Variants in PAGE1 observed in about 807,000 individuals in gnomAD.
The protein encoded by PAGE1 is P antigen family member 1.
In PAGE1, 6 loss-of-function variants were observed where a neutral mutation model predicts 11.5. That is an observed-to-expected ratio of 0.52 (90% CI 0.29 to 1.03). PAGE1 has a LOEUF of 1.03. Among genes scored for constraint, PAGE1 ranks in the 50% least tolerant of loss-of-function variants. The pLI, the probability that PAGE1 is intolerant of heterozygous loss-of-function variation, is 0.09. For synonymous variants in PAGE1, 42 were observed against 40.2 expected (o/e 1.05, Z -0.17); for missense variants, 120 against 110.2 (o/e 1.09, Z -0.40).
At chrX:49,695,506 C>T (rs1166536273) in intron 1 of PAGE1, among the ~76,000 whole-genome samples, 7 of 111,713 alleles carry the variant, frequency 6.3e-5, no homozygotes, top group African/African-American at 1.6e-4. Context: ...ACCCACCTCC[C>T]GCCTCGGGGC....
chrX:49,694,266 A>C, intron 2 of PAGE1, 65 bp from the exon 3 acceptor site: 1 of 572,838 alleles, frequency 1.7e-6, no homozygotes, highest in Non-Finnish European at 2.9e-6. Flanking sequence ...ATACATGTCA[A>C]AAAATATATA....
chrX:49,687,502 A>C lies in PAGE1; in HGVS notation c.*39T>G. On this transcript the variant is annotated 3_prime_UTR_variant, in exon 6 of 6. Transcript: ENST00000376150. ...GGAGAATTTTAATGGTCAAATTTCC[A>C]ACACAGGAGCAGCCTGAACCATTTC... 1.7e-6 allele frequency: 2 copies of C among 1,189,280 alleles called. No homozygotes were observed. Among genetic ancestry groups the C allele is most frequent in the Non-Finnish European group, 2.3e-6 (2 of 875,873 alleles).
chrX:49,690,932 C>T, intron 4 of PAGE1, among the ~76,000 whole-genome samples: 1 of 110,419 alleles, frequency 9.1e-6, no homozygotes, highest in Middle Eastern at 4.7e-3. Context: ...AACCTCAGGA[C>T]TTTGGGAGGC....
intron 5 of PAGE1, 49 bp downstream of exon 5, chrX:49,689,369 A>T: frequency 1.0e-6 from 1 of 988,438 alleles, no homozygotes; most frequent in Non-Finnish European, 1.3e-6. Flanking sequence ...ATAATATGAT[A>T]CTGTGGAAAC....
At chrX:49,695,206 G>A (rs1396942717) in intron 1 of PAGE1, among the ~76,000 whole-genome samples, 2 of 112,120 alleles carry the variant, frequency 1.8e-5, no homozygotes, top group African/African-American at 3.2e-5. Context: ...TTTCACAAGC[G>A]GACTCCACAT....
At chrX:49,689,289 C>A in intron 5 of PAGE1, 129 bp downstream of exon 5, 3 of 688,500 alleles carry the variant, frequency 4.4e-6, no homozygotes, top group Non-Finnish European at 5.5e-6. Flanking sequence ...TCCAGTGAGC[C>A]GAGATGGCAC....
chrX:49,689,617 T>A (rs1254193361), intron 4 of PAGE1, 74 bp from the exon 5 acceptor site: 9 of 87,684 alleles, frequency 1.0e-4, no homozygotes, highest in Admixed American at 3.2e-4. Flanking sequence ...TATATACATA[T>A]ACATATATAT....
Position 49,694,113 on chromosome X carries a change from G to T in PAGE1, c.152C>A (p.Ala51Glu). 8.5e-7 allele frequency: 1 copy of T among 1,183,370 alleles called. No individual in the cohort carries two copies. Among genetic ancestry groups the T allele is most frequent in the Non-Finnish European group, 1.1e-6 (1 of 876,167 alleles). The change falls in exon 3 of 6, where the codon GCA becomes GAA. Residue 51 changes from alanine to glutamate, a missense_variant. Ala to Glu is a moderately radical substitution (Grantham distance 107). Transcript: ENST00000376150. ...TTTCCCTTCACCTTGAGCTGCAGATGCTCCCTCATCCTCTCTCTCTTCAGC... is the reference window on the plus strand; with the variant it reads ...TTTCCCTTCACCTTGAGCTGCAGATTCTCCCTCATCCTCTCTCTCTTCAGC... ...TPAEEREDEG[A>E]SAAQGQEPEA...
chrX:49,689,166 C>A (rs782436245), intron 5 of PAGE1, among the ~76,000 whole-genome samples: 189 of 109,036 alleles, frequency 1.7e-3, no homozygotes, highest in Middle Eastern at 4.7e-3. Context: ...AATGGCAAAA[C>A]CTCGTCTCTA....
At chrX:49,689,712 A>G (rs1338675326) in intron 4 of PAGE1, among the ~76,000 whole-genome samples, 169 bp from the exon 5 acceptor site, 1 of 47,464 alleles carries the variant, frequency 2.1e-5, no homozygotes, top group Non-Finnish European at 3.8e-5. Flanking sequence ...ATATGTGTAT[A>G]TATGTATATA....
At chrX:49,688,535 A>C (rs1207452473) in intron 5 of PAGE1, among the ~76,000 whole-genome samples, 5 of 112,061 alleles carry the variant, frequency 4.5e-5, no homozygotes, top group African/African-American at 1.6e-4. Flanking sequence ...AGAGGTTTTC[A>C]GATGACTCAG....
intron 5 of PAGE1, among the ~76,000 whole-genome samples, chrX:49,688,444 G>C (rs1293095205): frequency 9.0e-6 from 1 of 110,870 alleles, no homozygotes; most frequent in Admixed American, 9.6e-5. Context: ...CCTAAGAATA[G>C]GCATTCAGGT....
intron 4 of PAGE1, among the ~76,000 whole-genome samples, chrX:49,689,759 T>C (rs1410975089): frequency 3.1e-5 from 2 of 64,815 alleles, no homozygotes; most frequent in East Asian, 5.9e-4. Flanking sequence ...TGTGTATATA[T>C]ACATATATAT....
At position 49,687,529 on chromosome X, in the gene PAGE1, G is replaced by T. The variant is rs1557141145; in HGVS notation, c.*12C>A. The T allele has an allele frequency of 8.3e-7, 1 of 1,202,318 alleles. No homozygotes were observed. The highest frequency in any genetic ancestry group is 2.2e-5 in the Admixed American group (1 of 45,500). ...CACAGGAGCAGCCTGAACCATTTCA[G>T]CGTGTCTTCTTTTAAGGCTGTGATT... On this transcript the variant is annotated 3_prime_UTR_variant, in exon 6 of 6. Coordinates refer to ENST00000376150, the MANE Select transcript of PAGE1 (RefSeq NM_003785.4).
At chrX:49,689,172 C>T (rs897406068) in intron 5 of PAGE1, among the ~76,000 whole-genome samples, 50 of 108,873 alleles carry the variant, frequency 4.6e-4, no homozygotes, top group African/African-American at 1.5e-3. Context: ...AAAACCTCGT[C>T]TCTACTAAAA....
intron 4 of PAGE1, among the ~76,000 whole-genome samples, chrX:49,690,973 T>C (rs2066918113): frequency 9.1e-6 from 1 of 110,311 alleles, no homozygotes; most frequent in South Asian, 3.9e-4. Flanking sequence ...AGGTCAGGAG[T>C]TCGACACCTG....
intron 3 of PAGE1, among the ~76,000 whole-genome samples, chrX:49,693,823 A>G (rs1481636759): frequency 9.0e-6 from 1 of 111,535 alleles, no homozygotes; most frequent in Admixed American, 9.6e-5. Flanking sequence ...TGTATTCACC[A>G]GTCAAGTGTT....
intron 4 of PAGE1, among the ~76,000 whole-genome samples, chrX:49,689,988 C>T (rs1443509627): frequency 3.1e-4 from 15 of 48,177 alleles, no homozygotes; most frequent in African/African-American, 7.1e-4. Flanking sequence ...TGTGTATATA[C>T]ACACATATAT....
rs151117508 is a variant in PAGE1 at position 49,689,423 on chromosome X, T to C, written c.413A>G (p.Glu138Gly). The change falls in exon 5 of 6, where the codon GAG becomes GGG. Residue 138 changes from glutamate (E) to glycine (G), a missense_variant. Transcript: ENST00000376150. ...ATGCCTAATGGATTGCCTACCTTCC[T>C]CAGGTGTTTTCACCTCCTCTGGATT... is the stretch of plus-strand genomic sequence containing the variant. ...LPNPEEVKTP[E>G]EDEGQSQP 8.9e-3 allele frequency: 9,803 copies of C among 1,098,867 alleles called. 48 individuals carry two copies. Among genetic ancestry groups the C allele is most frequent in the Middle Eastern group, 0.057 (219 of 3,834 alleles). 90.6% of individuals were successfully genotyped at this position (1,098,867 alleles called of 1,213,427 possible).
Sources: allele counts gnomAD v4.1 joint callset (sites outside exome capture counted in the v4.1 genomes callset), GRCh38; gene constraint gnomAD v4.1.1; transcripts MANE v1.5; gene names NCBI Gene and HGNC (gene_info 2026-07-23, HGNC 2026-07-21).